The following AHCYL2 variants were observed in gnomAD, a reference collection of about 807,000 sequenced individuals.
AHCYL2 encodes S-adenosylhomocysteine hydrolase-like protein 2.
A neutral mutation model predicts 81.4 loss-of-function variants in AHCYL2; 28 were observed. The observed-to-expected ratio is 0.34, with a 90% confidence interval of 0.25 to 0.47. The LOEUF (loss-of-function observed/expected upper bound fraction) is 0.47, where lower values mean the gene tolerates loss of function less well. Ranked by LOEUF, AHCYL2 falls within the 20% of genes least tolerant of loss-of-function variation. The probability of loss-of-function intolerance (pLI) is 1.00; values close to 1 mark genes in which losing one functional copy is unlikely to be tolerated. For missense variants in AHCYL2, 551 were observed against 785.1 expected (o/e 0.70, Z 3.56); for synonymous variants, 272 against 290.2 (o/e 0.94, Z 0.64).
intron 1 of AHCYL2, among the ~76,000 whole-genome samples, chr7:129,306,217 C>T (rs1185151207): frequency 6.6e-6 from 1 of 152,136 alleles, no homozygotes; most frequent in Non-Finnish European, 1.5e-5. Flanking sequence ...AGGCCAATAA[C>T]TCTTATATTT....
At chr7:129,301,341 G>A (rs547870288) in intron 1 of AHCYL2, among the ~76,000 whole-genome samples, 10 of 152,172 alleles carry the variant, frequency 6.6e-5, no homozygotes, top group Non-Finnish European at 1.5e-4. Flanking sequence ...TGTTTCCTTT[G>A]CTGTGTAGAA....
intron 1 of AHCYL2, among the ~76,000 whole-genome samples, chr7:129,258,087 A>G (rs772644547): frequency 6.6e-6 from 1 of 152,200 alleles, no homozygotes; most frequent in Non-Finnish European, 1.5e-5. Flanking sequence ...GATAATTAGG[A>G]GGACACCTAC....
intron 1 of AHCYL2, among the ~76,000 whole-genome samples, chr7:129,340,231 C>G (rs1279115798): frequency 1.3e-5 from 2 of 148,160 alleles, no homozygotes; most frequent in Non-Finnish European, 3.0e-5. Context: ...CCCTTTTCCT[C>G]TGTTCTTTAT....
chr7:129,225,349 A>C lies in AHCYL2; in HGVS notation c.273A>C (p.Pro91=). The change falls in exon 1 of 17, where the codon CCA becomes CCC. Residue 91 remains proline, a synonymous_variant. Transcript: ENST00000325006. ...PQASAMKRSD[P]HHQHQRHRDG... ...CGTCGGCCATGAAGCGGAGCGACCC[A>C]CATCACCAGCACCAGCGGCACCGCG... 1.3e-6 allele frequency: 2 copies of C among 1,513,926 alleles called. No individual in the cohort carries two copies. Among genetic ancestry groups the C allele is most frequent in the Non-Finnish European group, 1.8e-6 (2 of 1,137,648 alleles). The allele number at this position is 1,513,926 out of a possible 1,614,324, so 93.8% of individuals were successfully genotyped here.
At chr7:129,231,958 T>A (rs1794458410) in intron 1 of AHCYL2, among the ~76,000 whole-genome samples, 2 of 152,012 alleles carry the variant, frequency 1.3e-5, no homozygotes, top group Admixed American at 6.6e-5. Context: ...TTCAAGGGTC[T>A]ATCAGTAGAA....
At chr7:129,284,704 T>G (rs1473341051) in intron 1 of AHCYL2, among the ~76,000 whole-genome samples, 2 of 152,060 alleles carry the variant, frequency 1.3e-5, no homozygotes, top group African/African-American at 4.8e-5. Flanking sequence ...TCTTGGAGAA[T>G]TCTAGCTTGT....
intron 1 of AHCYL2, among the ~76,000 whole-genome samples, chr7:129,371,033 C>G (rs546207536): frequency 6.6e-5 from 10 of 152,332 alleles, no homozygotes; most frequent in African/African-American, 2.4e-4. Flanking sequence ...TCTGAGCACC[C>G]TCTAGTGTAT....
At chr7:129,386,476 G>A (rs1014597085) in intron 2 of AHCYL2, among the ~76,000 whole-genome samples, 1 of 151,062 alleles carries the variant, frequency 6.6e-6, no homozygotes, top group South Asian at 2.1e-4. Context: ...AAAAAAAAAA[G>A]GGATCTTTGA....
intron 1 of AHCYL2, among the ~76,000 whole-genome samples, chr7:129,279,860 A>G (rs1301084041): frequency 6.6e-6 from 1 of 152,294 alleles, no homozygotes; most frequent in South Asian, 2.1e-4. Context: ...ATACTAATGC[A>G]TTATCATTAG....
chr7:129,298,073 A>T (rs1257110332), intron 1 of AHCYL2, among the ~76,000 whole-genome samples: 1 of 152,206 alleles, frequency 6.6e-6, no homozygotes, highest in African/African-American at 2.4e-5. Flanking sequence ...CCCAGTTTAT[A>T]TAATCAGATA....
chr7:129,404,319 AATTTCTGTGATC>A (rs1235004944), intron 7 of AHCYL2, among the ~76,000 whole-genome samples: 2 of 152,140 alleles, frequency 1.3e-5, no homozygotes, highest in African/African-American at 4.8e-5. Flanking sequence ...ATTTCAGTTC[AATTTCTGTGATC>A]ATTTCTATGA....
chr7:129,394,573 G>A (rs189611757), intron 4 of AHCYL2, among the ~76,000 whole-genome samples: 1 of 147,142 alleles, frequency 6.8e-6, no homozygotes, highest in East Asian at 2.1e-4. Context: ...TCAGCCTCCC[G>A]AATAACTGGG....
intron 1 of AHCYL2, among the ~76,000 whole-genome samples, chr7:129,363,588 T>G (rs548767873): frequency 6.6e-6 from 1 of 152,292 alleles, no homozygotes; most frequent in East Asian, 1.9e-4. Flanking sequence ...AGATGGAGTC[T>G]CACTGTGTTG....
chr7:129,424,801 C>T, intron 13 of AHCYL2, 73 bp from the exon 14 acceptor site: 1 of 1,529,208 alleles, frequency 6.5e-7, no homozygotes, highest in Non-Finnish European at 9.1e-7. Context: ...GGTGGTCATG[C>T]TTCTCTTCCC....
Position 129,325,046 on chromosome 7 carries a change from A to AT in AHCYL2, c.364-54585dup, listed in dbSNP as rs201434912. ...ATAACTCCACAGTACCTTTTTATTTATTTTTTTATAAAAACCTTCAAGGAT... is the reference window on the plus strand; with the variant it reads ...ATAACTCCACAGTACCTTTTTATTTATTTTTTTTATAAAAACCTTCAAGGAT... On this transcript the variant is annotated intron_variant, in intron 1 of 16. Coordinates refer to ENST00000325006, the MANE Select transcript of AHCYL2 (RefSeq NM_015328.4). 6.5e-3 allele frequency among the ~76,000 whole-genome samples: 991 copies of AT among 152,122 alleles called. 14 individuals carry two copies. Among genetic ancestry groups the AT allele is most frequent in the African/African-American group, 0.023 (935 of 41,514 alleles).
rs144532103 is a variant in AHCYL2, at chr7:129,374,732, G to A, written c.364-4906G>A. ...TGAGGTAGGACAATCACTTGAACCC[G>A]GAGGGTGGAGGTTGCAGTGAGCCGA... On this transcript the variant is annotated intron_variant, in intron 1 of 16. Transcript: ENST00000325006. Among the ~76,000 whole-genome samples the A allele has an allele frequency of 6.7e-3, 1,010 of 151,374 alleles. 9 individuals are homozygous for A. Among genetic ancestry groups the A allele is most frequent in the African/African-American group, 0.023 (953 of 41,210 alleles).
At chr7:129,357,950 A>T (rs1323302882) in intron 1 of AHCYL2, among the ~76,000 whole-genome samples, 8 of 151,106 alleles carry the variant, frequency 5.3e-5, no homozygotes, top group Non-Finnish European at 1.2e-4. Flanking sequence ...AAAAAAAAAG[A>T]AAGTGGGGCC....
intron 1 of AHCYL2, among the ~76,000 whole-genome samples, chr7:129,327,666 A>G (rs541083504): frequency 3.3e-5 from 5 of 152,228 alleles, no homozygotes; most frequent in Admixed American, 2.0e-4. Flanking sequence ...AGGTTTTACC[A>G]TCTTGGCCAG....
chr7:129,396,805 C>T (rs1231449083), intron 4 of AHCYL2, among the ~76,000 whole-genome samples: 1 of 152,158 alleles, frequency 6.6e-6, no homozygotes, highest in Non-Finnish European at 1.5e-5. Flanking sequence ...CTACAACCTC[C>T]ATCTCCCAGG....
Sources: gnomAD v4.1 joint callset for allele counts (sites outside exome capture counted in the v4.1 genomes callset) on GRCh38, gnomAD v4.1.1 for gene constraint, MANE v1.5 for transcripts, NCBI Gene and HGNC (gene_info 2026-07-23, HGNC 2026-07-21) for gene names.